TECTA: variants seen among roughly 807,000 people sequenced by gnomAD.
The protein encoded by TECTA is alpha-tectorin.
A neutral mutation model predicts 216.8 loss-of-function variants in TECTA; 128 were observed. That is an observed-to-expected ratio of 0.59 (90% CI 0.51 to 0.68). The LOEUF is 0.68. Ranked by LOEUF, TECTA falls within the 30% of genes least tolerant of loss-of-function variation. The probability of loss-of-function intolerance (pLI) is 0.00; values close to 1 mark genes in which losing one functional copy is unlikely to be tolerated. For synonymous variants in TECTA, 1,089 were observed against 1,117.1 expected (o/e 0.97, Z 0.50); for missense variants, 2,551 against 2,786.2 (o/e 0.92, Z 1.90).
chr11:121,157,939 G>C lies in TECTA; in HGVS notation c.4404G>C (p.Glu1468Asp). ...QCDPRQCKSD[E>D]ECALRNGVRG... ...ACCCGCGCCAATGCAAGTCAGACGA[G>C]GAGTGTGCGCTGCGCAACGGGGTGC... Residue 1468 changes from glutamate (E) to aspartate (D), a missense_variant, in exon 14 of 24, where the codon GAG becomes GAC. Glu to Asp is a conservative substitution (Grantham distance 45). Around this residue, in one of 3 missense-constraint regions of TECTA, gnomAD observed 2,375 missense variants for 2,563.9 expected, o/e 0.93. Transcript: ENST00000392793. 1 of 1,614,082 alleles carries C rather than the reference G, an allele frequency of 6.2e-7. No homozygotes were observed. Among genetic ancestry groups the C allele is most frequent in the Non-Finnish European group, 8.5e-7 (1 of 1,180,022 alleles).
At chr11:121,120,587 C>T (rs969699735) in intron 7 of TECTA, among the ~76,000 whole-genome samples, 1 of 152,134 alleles carries the variant, frequency 6.6e-6, no homozygotes, top group African/African-American at 2.4e-5. Flanking sequence ...AAACACAGAC[C>T]CCCCTTCTCC....
intron 11 of TECTA, among the ~76,000 whole-genome samples, chr11:121,142,400 G>T (rs1384197176): frequency 6.6e-6 from 1 of 152,130 alleles, no homozygotes; most frequent in East Asian, 1.9e-4. Flanking sequence ...GCAGGGCAGT[G>T]GTGCCAGGGT....
At chr11:121,149,636 C>T (rs1946870973) in intron 12 of TECTA, among the ~76,000 whole-genome samples, 1 of 152,238 alleles carries the variant, frequency 6.6e-6, no homozygotes, top group East Asian at 1.9e-4. Context: ...AATGGCAGAG[C>T]GAGGCCTCAA....
chr11:121,116,905 T>C (rs2135065239), intron 6 of TECTA, among the ~76,000 whole-genome samples: 1 of 152,234 alleles, frequency 6.6e-6, no homozygotes, highest in East Asian at 1.9e-4. Flanking sequence ...TCAGGGCTGA[T>C]GCACATGACT....
rs200044279 is a variant in TECTA at position 121,178,655 on chromosome 11, G to T, written c.6000-9177G>T. Among the ~76,000 whole-genome samples, 5 of 151,244 alleles carry T rather than the reference G, an allele frequency of 3.3e-5. No homozygotes were observed. In the East Asian group the frequency reaches 5.9e-4, roughly 18 times the overall value. ...AATTCCTTCATCTTCAGTTTTTTTT[G>T]AAATAGTTTAGGAAGCATTGGTATT... On this transcript the variant is annotated intron_variant, in intron 20 of 23. Transcript: ENST00000392793.
At chr11:121,182,119 T>G (rs183567667) in intron 20 of TECTA, among the ~76,000 whole-genome samples, 1 of 152,060 alleles carries the variant, frequency 6.6e-6, no homozygotes, top group Non-Finnish European at 1.5e-5. Flanking sequence ...GTGGTGGTGA[T>G]AGCAGGCTAG....
At position 121,167,289 on chromosome 11, in the gene TECTA, G is replaced by T. The variant is rs181539854; in HGVS notation, c.5586+509G>T. Among the ~76,000 whole-genome samples, 21 of 152,292 alleles carry T rather than the reference G, an allele frequency of 1.4e-4. No homozygotes were observed. In the East Asian group the frequency reaches 3.7e-3, roughly 27 times the overall value. On this transcript the variant is annotated intron_variant, in intron 18 of 23. Coordinates refer to ENST00000392793, the MANE Select transcript of TECTA (RefSeq NM_005422.4). ...CTATTTTTAAAAAATCTAAAAATTA[G>T]CTGGGTGTGGTGACAGTGCCTGTAG...
chr11:121,131,818 C>T (rs1168144045), intron 10 of TECTA, among the ~76,000 whole-genome samples: 1 of 152,140 alleles, frequency 6.6e-6, no homozygotes, highest in East Asian at 1.9e-4. Context: ...TATATTTCTT[C>T]CTGGTTCCAT....
At chr11:121,170,438 G>C (rs1323029257) in intron 20 of TECTA, among the ~76,000 whole-genome samples, 2 of 145,552 alleles carry the variant, frequency 1.4e-5, no homozygotes, top group African/African-American at 5.6e-5. Flanking sequence ...GTTTTGTTTT[G>C]TTTGGTTTTG....
At chr11:121,169,046 C>A in intron 20 of TECTA, 121 bp downstream of exon 20, 1 of 1,483,168 alleles carries the variant, frequency 6.7e-7, no homozygotes, top group Non-Finnish European at 9.3e-7. Flanking sequence ...CAGAATTTTG[C>A]ATTTATTAAT....
At chr11:121,114,515 G>T (rs1289316031) in intron 6 of TECTA, among the ~76,000 whole-genome samples, 1 of 152,108 alleles carries the variant, frequency 6.6e-6, no homozygotes. Flanking sequence ...AGAAGCTACA[G>T]AAATTAGAAG....
rs765232100 is a variant in TECTA, at chr11:121,153,094, G to C, written c.4305+14G>C. 1 of 1,609,250 alleles carries C rather than the reference G, an allele frequency of 6.2e-7. No homozygotes were observed. The highest frequency in any genetic ancestry group is 1.1e-5 in the South Asian group (1 of 90,352). On this transcript the variant is annotated intron_variant, in intron 13 of 23. Transcript: ENST00000392793. ...AAATATTACGAGGTATGGGAGGCCAGCCCGGCCTTTTCCTCCTTGCCAATG... is the reference window on the plus strand; with the variant it reads ...AAATATTACGAGGTATGGGAGGCCACCCCGGCCTTTTCCTCCTTGCCAATG...
Position 121,147,523 on chromosome 11 carries a change from C to T in TECTA, c.4105+1407C>T, listed in dbSNP as rs1591453964. ...AGGGATGACGGTCCTGACAAACCGG[C>T]CTCTAATGACTTCAATAAAATAAAT... On this transcript the variant is annotated intron_variant, in intron 12 of 23. Coordinates refer to ENST00000392793, the MANE Select transcript of TECTA (RefSeq NM_005422.4). Among the ~76,000 whole-genome samples the T allele has an allele frequency of 2.7e-5, 4 of 149,480 alleles. No individual in the cohort carries two copies. The South Asian group carries it at 8.4e-4, about 32-fold the overall frequency.
intron 3 of TECTA, among the ~76,000 whole-genome samples, chr11:121,107,700 C>T (rs1263762587): frequency 2.6e-5 from 4 of 152,188 alleles, no homozygotes; most frequent in Admixed American, 6.5e-5. Context: ...TATCTACCAA[C>T]GTACAGAGCT....
At chr11:121,121,581 G>A (rs1946558808) in intron 7 of TECTA, among the ~76,000 whole-genome samples, 1 of 151,842 alleles carries the variant, frequency 6.6e-6, no homozygotes, top group African/African-American at 2.4e-5. Context: ...GATCACTTAT[G>A]CCAGAAAAAA....
chr11:121,178,682 G>A (rs939582288), intron 20 of TECTA, among the ~76,000 whole-genome samples: 1 of 152,002 alleles, frequency 6.6e-6, no homozygotes, highest in Non-Finnish European at 1.5e-5. Context: ...ATTGGTATTA[G>A]TTCTTCTTTG....
chr11:121,119,900 A>G (rs1946539956), intron 7 of TECTA, among the ~76,000 whole-genome samples: 1 of 152,118 alleles, frequency 6.6e-6, no homozygotes, highest in Non-Finnish European at 1.5e-5. Flanking sequence ...TGTAGGGACA[A>G]CTCTGTATAT....
chr11:121,140,554 T>C (rs1946774351), intron 11 of TECTA, among the ~76,000 whole-genome samples: 1 of 152,128 alleles, frequency 6.6e-6, no homozygotes, highest in African/African-American at 2.4e-5. Flanking sequence ...CTGGGCGGCC[T>C]AAAACCACAG....
At position 121,113,279 on chromosome 11, in the gene TECTA, C is replaced by G; in HGVS notation, c.624+70C>G. ...ACTCTCTGCTTCTGTGGCTCAGCAT[C>G]CTGGAGGGAATCCTGCCACCAGCTT... On this transcript the variant is annotated intron_variant, in intron 5 of 23. Coordinates refer to ENST00000392793, the MANE Select transcript of TECTA (RefSeq NM_005422.4). The surrounding 1 kb of genome is among the most constrained non-coding windows in gnomAD (Gnocchi z 4.2). 1 of 1,610,028 alleles carries G rather than the reference C, an allele frequency of 6.2e-7. No individual in the cohort carries two copies. Among genetic ancestry groups the G allele is most frequent in the Non-Finnish European group, 8.5e-7 (1 of 1,179,282 alleles).
Sources: allele counts gnomAD v4.1 joint callset (sites outside exome capture counted in the v4.1 genomes callset), GRCh38; gene constraint gnomAD v4.1.1; regional missense constraint gnomAD v4.1.1; non-coding constraint Gnocchi (gnomAD v3.1); transcripts MANE v1.5; gene names NCBI Gene and HGNC (gene_info 2026-07-23, HGNC 2026-07-21).